Variants in FOXK1 observed in about 807,000 individuals in gnomAD.
The protein encoded by FOXK1 is forkhead box K1.
FOXK1 carries 19 observed loss-of-function variants against 51.9 expected under a neutral mutation model. The observed-to-expected ratio is 0.37, with a 90% confidence interval of 0.26 to 0.54. FOXK1 has a LOEUF of 0.54. Among genes scored for constraint, FOXK1 ranks in the 20% least tolerant of loss-of-function variants. The pLI, the probability that FOXK1 is intolerant of heterozygous loss-of-function variation, is 0.87. For synonymous variants in FOXK1, 537 were observed against 482.6 expected (o/e 1.11, Z -1.48); for missense variants, 870 against 1,032.7 (o/e 0.84, Z 2.16).
In FOXK1 at chr7:4,735,377, A is replaced by G. The variant is rs1305358952; in HGVS notation, c.561-5461A>G. On this transcript the variant is annotated intron_variant, in intron 1 of 8. Coordinates refer to ENST00000328914, the MANE Select transcript of FOXK1 (RefSeq NM_001037165.2). This position sits in a 1 kb window ranked among gnomAD's most constrained non-coding sequence, Gnocchi z 4.7. ...GCCTGAGATCGACTGCACATACCTT[A>G]CAACTAACCCTTTCCATTGTTCCAG... 6.6e-6 allele frequency among the ~76,000 whole-genome samples: 1 copy of G among 152,172 alleles called. No individual in the cohort carries two copies. The highest frequency in any genetic ancestry group is 1.5e-5 in the Non-Finnish European group (1 of 68,038).
rs1038708745 is a variant in FOXK1 at position 4,711,249 on chromosome 7, G to A, written c.560+28381G>A. Among the ~76,000 whole-genome samples, 1 of 152,148 alleles carries A rather than the reference G, an allele frequency of 6.6e-6. No individual in the cohort carries two copies. The highest frequency in any genetic ancestry group is 2.4e-5 in the African/African-American group (1 of 41,444). ...GCCCTCCTGGGTCCCGACACCTGGG[G>A]GTGTTTTCACAGGGTGGGAAGGCTG... On this transcript the variant is annotated intron_variant, in intron 1 of 8. Coordinates refer to ENST00000328914, the MANE Select transcript of FOXK1 (RefSeq NM_001037165.2). The surrounding 1 kb of genome is among the most constrained non-coding windows in gnomAD (Gnocchi z 6.3).
rs909831520 is a variant in FOXK1 at position 4,764,973 on chromosome 7, G to A, written c.*2509G>A. 6 of 152,466 alleles carry A rather than the reference G, an allele frequency of 3.9e-5. No homozygotes were observed. The highest frequency in any genetic ancestry group is 1.4e-4 in the African/African-American group (6 of 41,474). The allele number at this position is 152,466 out of a possible 1,614,324, so 9.4% of individuals were successfully genotyped here. ...GCTTCATTGCCAAGGGCGTGGAAAGGGGGTGGTGGATGGAGCCGGGAGGTG... is the reference window on the plus strand; with the variant it reads ...GCTTCATTGCCAAGGGCGTGGAAAGAGGGTGGTGGATGGAGCCGGGAGGTG... On this transcript the variant is annotated 3_prime_UTR_variant, in exon 9 of 9. Coordinates refer to ENST00000328914, the MANE Select transcript of FOXK1 (RefSeq NM_001037165.2).
intron 1 of FOXK1, among the ~76,000 whole-genome samples, chr7:4,719,215 G>A (rs1486797774): frequency 1.3e-5 from 2 of 151,642 alleles, no homozygotes; most frequent in Non-Finnish European, 2.9e-5. Flanking sequence ...GCTCACTGCC[G>A]CCTTGAACTC....
intron 1 of FOXK1, among the ~76,000 whole-genome samples, chr7:4,710,846 C>G (rs1195344083): frequency 6.6e-6 from 1 of 152,168 alleles, no homozygotes; most frequent in Admixed American, 6.5e-5. Context: ...AGAATTACAG[C>G]CATTCCACGT....
At position 4,759,445 on chromosome 7, in the gene FOXK1, G is replaced by C. The variant is rs1263866251; in HGVS notation, c.1546G>C (p.Val516Leu). The C allele has an allele frequency of 6.3e-7, 1 of 1,593,648 alleles. No individual in the cohort carries two copies. Among genetic ancestry groups the C allele is most frequent in the South Asian group, 1.1e-5 (1 of 89,046 alleles). Residue 516 changes from valine (V) to leucine (L), a missense_variant, in exon 7 of 9, where the codon GTG becomes CTG. By Grantham distance (32) the Val-to-Leu change is conservative. This residue lies in a region of FOXK1 where 457 missense variants were observed against 510.8 expected (regional missense o/e 0.89). Transcript: ENST00000328914. The part of the protein sequence containing the change: ...QQPAGHAIHV[V>L]QQAPTVTMVR... ...GCCCGCGGGCCACGCCATCCACGTC[G>C]TGCAGCAGGCCCCCACCGTCACCAT...
In FOXK1 at chr7:4,745,711, C is replaced by T. The variant is rs1202508670; in HGVS notation, c.746+4688C>T. Among the ~76,000 whole-genome samples, 1 of 151,922 alleles carries T rather than the reference C, an allele frequency of 6.6e-6. No individual in the cohort carries two copies. The highest frequency in any genetic ancestry group is 2.4e-5 in the African/African-American group (1 of 41,336). Reference sequence around the variant, plus strand: ...CTGAGGTCAGGAGTTCGAGACCAGCCTGGTCAACATTGTGAAACCCCATCT... The same window carrying T: ...CTGAGGTCAGGAGTTCGAGACCAGCTTGGTCAACATTGTGAAACCCCATCT... On this transcript the variant is annotated intron_variant, in intron 2 of 8. Transcript: ENST00000328914. The surrounding 1 kb of genome is among the most constrained non-coding windows in gnomAD (Gnocchi z 4.3).
At chr7:4,752,303 C>G (rs145264655) in intron 2 of FOXK1, among the ~76,000 whole-genome samples, 562 of 152,248 alleles carry the variant, frequency 3.7e-3, no homozygotes, top group Non-Finnish European at 6.7e-3. Context: ...CACCACCACA[C>G]CTGTCTAATG....
At chr7:4,717,016 GTGGGAGGCGTGTGGC>G (rs796383230) in intron 1 of FOXK1, among the ~76,000 whole-genome samples, 96 of 150,646 alleles carry the variant, frequency 6.4e-4, no homozygotes, top group African/African-American at 2.3e-3. Context: ...GAAGGTAGTG[GTGGGAGGCGTGTGGC>G]TGGGAGGCAC....
In FOXK1 at chr7:4,771,209, T is replaced by C. The variant is rs1034455242; in HGVS notation, c.*8745T>C. 5 of 145,844 alleles carry C rather than the reference T, an allele frequency of 3.4e-5. No individual in the cohort carries two copies. Among genetic ancestry groups the C allele is most frequent in the African/African-American group, 1.4e-4 (5 of 35,766 alleles). 9.0% of individuals were successfully genotyped at this position (145,844 alleles called of 1,614,324 possible). The stretch of plus-strand genomic sequence containing the variant: ...TTTCAAGTGGGATACAGTATTTTTT[T>C]AATAAGGAGCCATACTTTTTTTTAA... On this transcript the variant is annotated 3_prime_UTR_variant, in exon 9 of 9. Coordinates refer to ENST00000328914, the MANE Select transcript of FOXK1 (RefSeq NM_001037165.2).
Position 4,683,338 on chromosome 7 carries a change from G to A in FOXK1, c.560+470G>A, listed in dbSNP as rs981528802. 4.6e-5 allele frequency among the ~76,000 whole-genome samples: 7 copies of A among 151,696 alleles called. No homozygotes were observed. Among genetic ancestry groups the A allele is most frequent in the Non-Finnish European group, 8.8e-5 (6 of 67,896 alleles). Reference sequence around the variant, plus strand: ...TCGGCCTGGACTCCGGGGTCATTCTGAACTCCCACTGGCCTGGATCCCTGG... The same window carrying A: ...TCGGCCTGGACTCCGGGGTCATTCTAAACTCCCACTGGCCTGGATCCCTGG... On this transcript the variant is annotated intron_variant, in intron 1 of 8. Coordinates refer to ENST00000328914, the MANE Select transcript of FOXK1 (RefSeq NM_001037165.2). The surrounding 1 kb of genome is among the most constrained non-coding windows in gnomAD (Gnocchi z 4.5).
intron 1 of FOXK1, among the ~76,000 whole-genome samples, chr7:4,737,555 T>TC (rs1780570595): frequency 1.3e-5 from 2 of 149,038 alleles, no homozygotes; most frequent in African/African-American, 4.9e-5. Context: ...TGCGTGCCTG[T>TC]GTGTGTGTGT....
In FOXK1 at chr7:4,762,511, G is replaced by A. The variant is rs13242966; in HGVS notation, c.*47G>A. 2,155 of 1,504,876 alleles carry A rather than the reference G, an allele frequency of 1.4e-3. 2 individuals are homozygous for A. The highest frequency in any genetic ancestry group is 1.6e-3 in the Non-Finnish European group (1,778 of 1,120,632). The allele number at this position is 1,504,876 out of a possible 1,614,324, so 93.2% of individuals were successfully genotyped here. On this transcript the variant is annotated 3_prime_UTR_variant, in exon 9 of 9. Transcript: ENST00000328914. The surrounding 1 kb of genome is among the most constrained non-coding windows in gnomAD (Gnocchi z 5.7). The stretch of plus-strand genomic sequence containing the variant: ...GTGGGACTCACCCAGCGGCGACCCC[G>A]AAGCTGGACCCGGCAGCTCAGGCGG...
At position 4,759,051 on chromosome 7, in the gene FOXK1, G is replaced by A. The variant is rs899011992; in HGVS notation, c.1245G>A (p.Arg415=). 1 of 1,589,680 alleles carries A rather than the reference G, an allele frequency of 6.3e-7. No homozygotes were observed. Residue 415 remains arginine, a splice_region_variant and synonymous_variant, in exon 6 of 9, where the codon AGG becomes AGA. Transcript: ENST00000328914. ...FRTPFGPLSS[R]SAPASPTHPG... ...GCCGCGGCCCTTGCCTGTCTTCCAG[G>A]AGCGCTCCAGCTTCGCCCACACACC...
Position 4,762,463 on chromosome 7 carries a change from G to A in FOXK1, c.2201G>A (p.Ter734=), listed in dbSNP as rs1171877612. Residue 734 remains the stop codon, a stop_retained_variant, in exon 9 of 9, where the codon TGA becomes TAA. Transcript: ENST00000328914. The surrounding 1 kb of genome is among the most constrained non-coding windows in gnomAD (Gnocchi z 5.7). ...CCCCAGGGGCCAGGCACCGGGGAGTGAGGTCACCTGCAACGCGGGGGAGTG... is the reference window on the plus strand; with the variant it reads ...CCCCAGGGGCCAGGCACCGGGGAGTAAGGTCACCTGCAACGCGGGGGAGTG... ...AGPQGPGTGE[*] 2 of 1,540,608 alleles carry A rather than the reference G, an allele frequency of 1.3e-6. No homozygotes were observed. The highest frequency in any genetic ancestry group is 1.2e-5 in the South Asian group (1 of 83,838).
chr7:4,761,041 C>G lies in FOXK1; in HGVS notation c.1697-23C>G. On this transcript the variant is annotated intron_variant, in intron 7 of 8. Transcript: ENST00000328914. This position sits in a 1 kb window ranked among gnomAD's most constrained non-coding sequence, Gnocchi z 6.2. ...ATTGTCTCGTTGGCCGAGTGTGGTGCTGACTTGGTTCCTGTCCCGCAGGCC... is the reference window on the plus strand; with the variant it reads ...ATTGTCTCGTTGGCCGAGTGTGGTGGTGACTTGGTTCCTGTCCCGCAGGCC... 2 of 1,599,404 alleles carry G rather than the reference C, an allele frequency of 1.3e-6. No homozygotes were observed. The highest frequency in any genetic ancestry group is 1.7e-6 in the Non-Finnish European group (2 of 1,168,558).
intron 1 of FOXK1, among the ~76,000 whole-genome samples, chr7:4,698,652 A>G (rs987069973): frequency 3.3e-5 from 5 of 152,108 alleles, no homozygotes; most frequent in African/African-American, 7.2e-5. Flanking sequence ...TCCCAGGCTC[A>G]AGTGATCCTC....
At chr7:4,702,879 G>A (rs1780037811) in intron 1 of FOXK1, among the ~76,000 whole-genome samples, 1 of 152,162 alleles carries the variant, frequency 6.6e-6, no homozygotes, top group African/African-American at 2.4e-5. Context: ...AGAGGGGATG[G>A]AAGCTTGTGT....
rs1780959300 is a variant in FOXK1, at chr7:4,763,073, T to C, written c.*609T>C. On this transcript the variant is annotated 3_prime_UTR_variant, in exon 9 of 9. Transcript: ENST00000328914. ...GTTTAAACATGGAATTCAGACTTCA[T>C]TGTACACCTGAGACAGACACAAAAG... 6.5e-6 allele frequency: 1 copy of C among 154,230 alleles called. No homozygotes were observed. 9.6% of individuals were successfully genotyped at this position (154,230 alleles called of 1,614,324 possible).
intron 1 of FOXK1, among the ~76,000 whole-genome samples, chr7:4,695,885 G>A (rs557453762): frequency 1.2e-4 from 18 of 150,420 alleles, no homozygotes; most frequent in African/African-American, 3.9e-4. Context: ...GCGGTGAGCC[G>A]AGATGGTGCC....
Sources: allele counts gnomAD v4.1 joint callset (sites outside exome capture counted in the v4.1 genomes callset), GRCh38; gene constraint gnomAD v4.1.1; regional missense constraint gnomAD v4.1.1; non-coding constraint Gnocchi (gnomAD v3.1); transcripts MANE v1.5; gene names NCBI Gene and HGNC (gene_info 2026-07-23, HGNC 2026-07-21).